The following DHRSX variants were observed in gnomAD, a reference collection of about 807,000 sequenced individuals.
The protein encoded by DHRSX is polyprenol dehydrogenase.
Under a neutral mutation model 34.0 loss-of-function variants are expected in DHRSX, and 31 were observed. The ratio of observed to expected loss-of-function variants is 0.91; its 90% CI spans 0.69 to 1.23. The LOEUF is 1.23. DHRSX is among the 50% of genes most tolerant of loss of function. The pLI is 0.00. For synonymous variants in DHRSX, 201 were observed against 183.8 expected (o/e 1.09, Z -0.76); for missense variants, 414 against 428.1 (o/e 0.97, Z 0.29).
At position 2,498,262 on chromosome X, in the gene DHRSX, T is replaced by C. The variant is rs909005657; in HGVS notation, c.109+2555A>G. Among the ~76,000 whole-genome samples the C allele has an allele frequency of 3.3e-5, 5 of 152,164 alleles. No homozygotes were observed. The South Asian group carries it at 1.0e-3, about 32-fold the overall frequency. On this transcript the variant is annotated intron_variant, in intron 1 of 6. Coordinates refer to ENST00000334651, the MANE Select transcript of DHRSX (RefSeq NM_145177.3). Reference sequence around the variant, plus strand: ...AAGAAAAAACTGCCCTTGCTTCCAATCTGCAGTGGGGAAATTGGCCCTCTT... The same window carrying C: ...AAGAAAAAACTGCCCTTGCTTCCAACCTGCAGTGGGGAAATTGGCCCTCTT...
intron 2 of DHRSX, among the ~76,000 whole-genome samples, chrX:2,410,823 T>G (rs1234674521): frequency 6.6e-6 from 1 of 152,158 alleles, no homozygotes; most frequent in African/African-American, 2.4e-5. Flanking sequence ...AGTCCATCCT[T>G]TGGGGCAGAG....
At chrX:2,236,896 A>G (rs1191973992) in intron 6 of DHRSX, among the ~76,000 whole-genome samples, 2 of 150,440 alleles carry the variant, frequency 1.3e-5, no homozygotes. Context: ...AAAAAAAAAA[A>G]GAAATGGGGG....
At chrX:2,467,816 A>T (rs943059804) in intron 1 of DHRSX, among the ~76,000 whole-genome samples, 3 of 151,980 alleles carry the variant, frequency 2.0e-5, no homozygotes, top group African/African-American at 7.3e-5. Flanking sequence ...CTCTACTAAA[A>T]ATATAAAATT....
At chrX:2,334,466 C>T (rs2042526399) in intron 3 of DHRSX, 1 of 151,676 alleles carries the variant, frequency 6.6e-6, no homozygotes, top group South Asian at 2.1e-4. Context: ...TATTTTCTTT[C>T]TTTAAGAGAT....
intron 3 of DHRSX, among the ~76,000 whole-genome samples, chrX:2,403,646 A>G (rs1252075124): frequency 6.6e-6 from 1 of 152,072 alleles, no homozygotes; most frequent in Non-Finnish European, 1.5e-5. Flanking sequence ...TCTGAGGTCA[A>G]GAGTTTGAGA....
chrX:2,395,351 G>A (rs1311752055), intron 3 of DHRSX, among the ~76,000 whole-genome samples: 1 of 152,106 alleles, frequency 6.6e-6, no homozygotes, highest in Non-Finnish European at 1.5e-5. Flanking sequence ...AGGGGGTGGA[G>A]GGGCCGAGCT....
intron 4 of DHRSX, among the ~76,000 whole-genome samples, chrX:2,285,590 GC>G: frequency 6.6e-6 from 1 of 152,242 alleles, no homozygotes; most frequent in East Asian, 1.9e-4. Context: ...CTGCTGTGCG[GC>G]CGGTGTCCTA....
In DHRSX at chrX:2,266,830, G is replaced by A. The variant is rs773647562; in HGVS notation, c.506C>T (p.Ser169Phe). 5.0e-6 allele frequency: 8 copies of A among 1,613,992 alleles called. No individual in the cohort carries two copies. The African/African-American group carries it at 6.7e-5, about 13-fold the overall frequency. ...TNLLLDTLKESGSPGHSARVV... is the reference protein window; with the variant it reads ...TNLLLDTLKEFGSPGHSARVV... The stretch of plus-strand genomic sequence containing the variant: ...CCTCGCACTGTGGCCAGGGGACCCA[G>A]ACTCTTTCAGCGTATCCAAGAGAAG... Residue 169 changes from serine (S) to phenylalanine (F), a missense_variant, in exon 5 of 7, where the codon TCT becomes TTT. By Grantham distance (155) the Ser-to-Phe change is radical (BLOSUM62 -2). Coordinates refer to ENST00000334651, the MANE Select transcript of DHRSX (RefSeq NM_145177.3).
intron 3 of DHRSX, among the ~76,000 whole-genome samples, chrX:2,318,025 T>C (rs1352572221): frequency 6.6e-6 from 1 of 151,928 alleles, no homozygotes; most frequent in East Asian, 1.9e-4. Flanking sequence ...TGTGCAGAAA[T>C]GAAGAGGCTA....
chrX:2,341,443 G>A (rs1165127950), intron 3 of DHRSX, among the ~76,000 whole-genome samples: 1 of 152,040 alleles, frequency 6.6e-6, no homozygotes, highest in African/African-American at 2.4e-5. Flanking sequence ...TGGGCTTATG[G>A]CCGCATCACT....
At chrX:2,479,113 C>T (rs891962185) in intron 1 of DHRSX, among the ~76,000 whole-genome samples, 9 of 151,428 alleles carry the variant, frequency 5.9e-5, no homozygotes, top group South Asian at 2.1e-4. Context: ...CAGCCATGTA[C>T]ATACTGAAGA....
chrX:2,264,546 C>T (rs914815750), intron 5 of DHRSX, among the ~76,000 whole-genome samples: 105 of 144,718 alleles, frequency 7.3e-4, no homozygotes, highest in Non-Finnish European at 9.8e-4. Flanking sequence ...GCTCAGCAGA[C>T]GCAGAGAGCA....
chrX:2,427,048 C>T (rs2043859383), intron 1 of DHRSX, among the ~76,000 whole-genome samples: 1 of 152,198 alleles, frequency 6.6e-6, no homozygotes, highest in Admixed American at 6.5e-5. Flanking sequence ...ATGTGTCTGG[C>T]AATAATGCAG....
At chrX:2,332,797 T>TA (rs1256737387) in intron 3 of DHRSX, among the ~76,000 whole-genome samples, 1 of 152,218 alleles carries the variant, frequency 6.6e-6, no homozygotes, top group Admixed American at 6.5e-5. Flanking sequence ...ACTGAGGTCT[T>TA]AAATATCCAT....
chrX:2,222,405 G>A (rs997664045), intron 6 of DHRSX, among the ~76,000 whole-genome samples: 2 of 152,198 alleles, frequency 1.3e-5, no homozygotes, highest in African/African-American at 2.4e-5. Context: ...AGCCATTTAG[G>A]AAACAGCAAA....
intron 6 of DHRSX, among the ~76,000 whole-genome samples, chrX:2,223,668 G>T (rs2015571574): frequency 6.6e-6 from 1 of 152,150 alleles, no homozygotes; most frequent in African/African-American, 2.4e-5. Context: ...GGCACCCATG[G>T]TGTTTGAGGG....
intron 1 of DHRSX, among the ~76,000 whole-genome samples, chrX:2,431,696 G>A (rs1225545818): frequency 6.6e-6 from 1 of 152,090 alleles, no homozygotes; most frequent in Admixed American, 6.6e-5. Context: ...CTTACTGGGA[G>A]GTAAACATCA....
chrX:2,485,299 A>C (rs1202205789), intron 1 of DHRSX, among the ~76,000 whole-genome samples: 1 of 152,068 alleles, frequency 6.6e-6, no homozygotes, highest in Admixed American at 6.6e-5. Context: ...CTTAGTTATG[A>C]GGACTGAAAA....
rs771008645 is a variant in DHRSX at position 2,326,364 on chromosome X, A to C, written c.287-34761T>G. On this transcript the variant is annotated intron_variant, in intron 3 of 6. Transcript: ENST00000334651. ...ATAGTGAAACCCCGTCTCTACTAAA[A>C]ATACAAAAATTAGCCGGGCGTGGTG... is the stretch of plus-strand genomic sequence containing the variant. Among the ~76,000 whole-genome samples the C allele has an allele frequency of 2.1e-3, 324 of 152,224 alleles. 1 individual carries two copies. Among genetic ancestry groups the C allele is most frequent in the African/African-American group, 7.0e-3 (292 of 41,556 alleles).
Sources: gnomAD v4.1 joint callset for allele counts (sites outside exome capture counted in the v4.1 genomes callset) on GRCh38, gnomAD v4.1.1 for gene constraint, MANE v1.5 for transcripts, NCBI Gene and HGNC (gene_info 2026-07-23, HGNC 2026-07-21) for gene names.